GABBR2: variants seen among roughly 807,000 people sequenced by gnomAD.
GABBR2 encodes G-protein coupled receptor 51.
A neutral mutation model predicts 105.6 loss-of-function variants in GABBR2; 23 were observed. The ratio of observed to expected loss-of-function variants is 0.22; its 90% CI spans 0.16 to 0.31. GABBR2 has a LOEUF of 0.31. Among genes scored for constraint, GABBR2 ranks in the 10% least tolerant of loss-of-function variants. The pLI is 1.00. For synonymous variants in GABBR2, 478 were observed against 499.7 expected (o/e 0.96, Z 0.58); for missense variants, 734 against 1,245.5 (o/e 0.59, Z 6.18).
At chr9:98,436,378 T>A (rs1347519739) in intron 7 of GABBR2, among the ~76,000 whole-genome samples, 1 of 56,076 alleles carries the variant, frequency 1.8e-5, no homozygotes, top group Non-Finnish European at 3.1e-5. Flanking sequence ...TATATATATA[T>A]ATATATATAT....
chr9:98,355,393 C>A (rs112355493), intron 13 of GABBR2, among the ~76,000 whole-genome samples: 13 of 151,486 alleles, frequency 8.6e-5, no homozygotes, highest in African/African-American at 3.1e-4. Flanking sequence ...AATGTAAAAT[C>A]TGCAAAGTGC....
At chr9:98,403,407 C>A (rs1286356408) in intron 8 of GABBR2, among the ~76,000 whole-genome samples, 1 of 151,758 alleles carries the variant, frequency 6.6e-6, no homozygotes, top group Non-Finnish European at 1.5e-5. Context: ...GTGAGGGGAG[C>A]ACACTTGTGC....
intron 7 of GABBR2, among the ~76,000 whole-genome samples, chr9:98,422,624 T>C (rs1216102300): frequency 6.6e-6 from 1 of 152,136 alleles, no homozygotes; most frequent in Non-Finnish European, 1.5e-5. Flanking sequence ...TGCTTTTTTT[T>C]TAACTATTAA....
chr9:98,385,039 A>G (rs1412518588), intron 11 of GABBR2, among the ~76,000 whole-genome samples: 3 of 152,188 alleles, frequency 2.0e-5, no homozygotes, highest in Non-Finnish European at 4.4e-5. Context: ...ATATTCTTTG[A>G]TGGTTTTTGA....
At chr9:98,426,677 T>A (rs1409358814) in intron 7 of GABBR2, among the ~76,000 whole-genome samples, 2 of 152,194 alleles carry the variant, frequency 1.3e-5, no homozygotes, top group African/African-American at 4.8e-5. Flanking sequence ...AAATCTTCCA[T>A]CAGCTAAAAT....
intron 7 of GABBR2, among the ~76,000 whole-genome samples, chr9:98,421,267 G>C (rs1189680547): frequency 2.0e-5 from 3 of 152,118 alleles, no homozygotes; most frequent in African/African-American, 7.2e-5. Context: ...TTGTGAAACT[G>C]GGTTTTCAGT....
intron 2 of GABBR2, among the ~76,000 whole-genome samples, chr9:98,570,374 T>C (rs1480214183): frequency 6.6e-6 from 1 of 152,248 alleles, no homozygotes; most frequent in Non-Finnish European, 1.5e-5. Flanking sequence ...AAATAGTGTT[T>C]GCGTTTTCCT....
At chr9:98,399,070 T>C (rs1832343545) in intron 8 of GABBR2, among the ~76,000 whole-genome samples, 1 of 152,088 alleles carries the variant, frequency 6.6e-6, no homozygotes. Flanking sequence ...AGAATTCATC[T>C]TGGGGCCGGG....
intron 7 of GABBR2, among the ~76,000 whole-genome samples, chr9:98,443,813 G>A (rs1368041063): frequency 1.3e-5 from 2 of 152,172 alleles, no homozygotes; most frequent in Non-Finnish European, 2.9e-5. Flanking sequence ...GAGGGGAACC[G>A]TTACATCCTT....
chr9:98,583,282 G>A (rs7865278), intron 1 of GABBR2, among the ~76,000 whole-genome samples: 231 of 152,186 alleles, frequency 1.5e-3, no homozygotes, highest in African/African-American at 5.3e-3. Flanking sequence ...GACATGATTC[G>A]CGTCCCAAAT....
At chr9:98,393,152 A>ACTCATCCAC in intron 9 of GABBR2, among the ~76,000 whole-genome samples, 1 of 60,118 alleles carries the variant, frequency 1.7e-5, no homozygotes, top group East Asian at 5.1e-4. Context: ...CCACTCATCC[A>ACTCATCCAC]CCAACCCATC....
chr9:98,450,819 C>T (rs1387679463), intron 7 of GABBR2, among the ~76,000 whole-genome samples: 1 of 152,150 alleles, frequency 6.6e-6, no homozygotes. Flanking sequence ...GGCAGTCTAT[C>T]TAATTGCTCA....
rs190644718 is a variant in GABBR2 at position 98,454,609 on chromosome 9, A to G, written c.1000-392T>C. Among the ~76,000 whole-genome samples the G allele has an allele frequency of 1.1e-4, 16 of 152,306 alleles. No homozygotes were observed. The East Asian group carries it at 3.1e-3, about 29-fold the overall frequency. On this transcript the variant is annotated intron_variant, in intron 6 of 18. Coordinates refer to ENST00000259455, the MANE Select transcript of GABBR2 (RefSeq NM_005458.8). This position sits in a 1 kb window ranked among gnomAD's most constrained non-coding sequence, Gnocchi z 4.6. ...TGTCTAAATGTTAAAGTTATAGCAT[A>G]TGAACAAACTGTTCAAAAATATTCT... is the stretch of plus-strand genomic sequence containing the variant.
chr9:98,583,150 C>T (rs962300877), intron 1 of GABBR2, among the ~76,000 whole-genome samples: 10 of 152,340 alleles, frequency 6.6e-5, no homozygotes, highest in East Asian at 1.9e-4. Context: ...AGCATGCTTC[C>T]CTGGCTCCCC....
intron 2 of GABBR2, among the ~76,000 whole-genome samples, chr9:98,544,153 C>G (rs973363013): frequency 6.6e-6 from 1 of 152,112 alleles, no homozygotes; most frequent in Non-Finnish European, 1.5e-5. Context: ...AGCAGCAGCT[C>G]TGGATTTGAT....
intron 1 of GABBR2, among the ~76,000 whole-genome samples, chr9:98,632,312 G>A (rs946134082): frequency 6.6e-6 from 1 of 152,236 alleles, no homozygotes; most frequent in Non-Finnish European, 1.5e-5. Context: ...CCAGGTAGTT[G>A]TGAAGAAGTA....
intron 13 of GABBR2, among the ~76,000 whole-genome samples, chr9:98,316,071 T>G (rs188787784): frequency 5.0e-4 from 76 of 152,232 alleles, no homozygotes; most frequent in Admixed American, 2.9e-3. Flanking sequence ...TTCGGCCTCT[T>G]CTCTTCTGTA....
chr9:98,567,207 G>C (rs1027246101), intron 2 of GABBR2, among the ~76,000 whole-genome samples: 1 of 152,208 alleles, frequency 6.6e-6, no homozygotes, highest in African/African-American at 2.4e-5. Context: ...GAGGCCACTG[G>C]ACTTACACAT....
intron 1 of GABBR2, among the ~76,000 whole-genome samples, chr9:98,703,770 A>G (rs1222181116): frequency 1.3e-5 from 2 of 151,978 alleles, no homozygotes; most frequent in Non-Finnish European, 1.5e-5. Context: ...CTGAGATTAC[A>G]GGCATGAGCC....
Sources: gnomAD v4.1 joint callset for allele counts (sites outside exome capture counted in the v4.1 genomes callset) on GRCh38, gnomAD v4.1.1 for gene constraint, Gnocchi (gnomAD v3.1) non-coding constraint, MANE v1.5 for transcripts, NCBI Gene and HGNC (gene_info 2026-07-23, HGNC 2026-07-21) for gene names.